Variants in DNPEP observed in about 807,000 individuals in gnomAD.
The protein encoded by DNPEP is aspartyl aminopeptidase.
A neutral mutation model predicts 59.1 loss-of-function variants in DNPEP; 46 were observed. That is an observed-to-expected ratio of 0.78 (90% CI 0.61 to 0.99). The LOEUF is 0.99. Ranked by LOEUF, DNPEP falls within the 50% of genes least tolerant of loss-of-function variation. DNPEP has a pLI of 0.00. For missense variants in DNPEP, 617 were observed against 649.9 expected (o/e 0.95, Z 0.55); for synonymous variants, 229 against 242.2 (o/e 0.95, Z 0.50).
Position 219,379,512 on chromosome 2 carries a change from C to T in DNPEP, c.1239+1823G>A, listed in dbSNP as rs1953501555. ...GAAAAATTTTAAAAATAGAAAAAAG[C>T]TTACAGAATAAGGATACAAAAAAGA... On this transcript the variant is annotated intron_variant, in intron 13 of 14. Transcript: ENST00000273075. Among the ~76,000 whole-genome samples the T allele has an allele frequency of 2.6e-5, 4 of 152,150 alleles. No individual in the cohort carries two copies. In the South Asian group the frequency reaches 8.3e-4, roughly 32 times the overall value.
chr2:219,393,068 G>A (rs1050179245), upstream of DNPEP, among the ~76,000 whole-genome samples: 2 of 152,154 alleles, frequency 1.3e-5, no homozygotes, highest in Admixed American at 6.5e-5. Flanking sequence ...AGTGGTGTCC[G>A]GTCTTTTGGC....
chr2:219,384,417 G>T lies in DNPEP; in HGVS notation c.801C>A (p.Phe267Leu). The T allele has an allele frequency of 1.2e-6, 2 of 1,611,878 alleles. No homozygotes were observed. Among genetic ancestry groups the T allele is most frequent in the South Asian group, 2.2e-5 (2 of 90,530 alleles). The change falls in exon 9 of 15, where the codon TTC (phenylalanine) becomes TTA (leucine). Residue 267 changes from phenylalanine to leucine, a missense_variant. By Grantham distance (22) the Phe-to-Leu change is conservative. Transcript: ENST00000273075. ...PAVLGGAYDEFIFAPRLDNLH... is the reference protein window; with the variant it reads ...PAVLGGAYDELIFAPRLDNLH... ...GATTGTCCAGCCGAGGAGCAAAGAT[G>T]AACTCATCATAGGCACCACCCAAGA... is the stretch of plus-strand genomic sequence containing the variant.
At chr2:219,385,239 G>A (rs975214137) in intron 8 of DNPEP, 185 bp downstream of exon 8, 2 of 571,762 alleles carry the variant, frequency 3.5e-6, no homozygotes, top group South Asian at 2.3e-5. Flanking sequence ...GCAGGTCTGG[G>A]GTAGGGAACT....
chr2:219,395,189 C>T (rs988501162), intron 1 of DNPEP, among the ~76,000 whole-genome samples: 1 of 152,186 alleles, frequency 6.6e-6, no homozygotes, highest in Non-Finnish European at 1.5e-5. Context: ...CTCAAGCAAT[C>T]TGCCCTCCTC....
At chr2:219,384,162 T>C (rs1426451560) in intron 9 of DNPEP, among the ~76,000 whole-genome samples, 2 of 152,248 alleles carry the variant, frequency 1.3e-5, no homozygotes, top group East Asian at 1.9e-4. Flanking sequence ...AACACCCTGA[T>C]AGTGCAAGGG....
At chr2:219,385,563 A>C (rs765787221) in intron 7 of DNPEP, 32 bp from the exon 8 acceptor site, 1 of 1,608,630 alleles carries the variant, frequency 6.2e-7, no homozygotes. Flanking sequence ...GGAAGAGTCC[A>C]TTCCTCCTCT....
In DNPEP at chr2:219,372,327, G is replaced by A. The variant is rs1389769641; in HGVS notation, c.*1965C>T. The stretch of plus-strand genomic sequence containing the variant: ...ATTTTTCCAGGCTTTTTCTATACAT[G>A]TATACATCTACGTGCATATTTATAT... On this transcript the variant is annotated 3_prime_UTR_variant, in exon 15 of 15. Transcript: ENST00000273075. Among the ~76,000 whole-genome samples the A allele has an allele frequency of 2.0e-5, 3 of 152,018 alleles. No homozygotes were observed. The highest frequency in any genetic ancestry group is 2.9e-5 in the Non-Finnish European group (2 of 68,016).
In DNPEP at chr2:219,372,201, A is replaced by G. The variant is rs1175194226; in HGVS notation, c.*2091T>C. The stretch of plus-strand genomic sequence containing the variant: ...GAGGGTAAAATTTTTTACATAAGTA[A>G]TACATGGTACATTCTGTTATACAAA... On this transcript the variant is annotated 3_prime_UTR_variant, in exon 15 of 15. Coordinates refer to ENST00000273075, the MANE Select transcript of DNPEP (RefSeq NM_012100.4). 2.0e-5 allele frequency among the ~76,000 whole-genome samples: 3 copies of G among 152,182 alleles called. 1 individual carries two copies. The highest frequency in any genetic ancestry group is 6.6e-5 in the Admixed American group (1 of 15,264).
intron 1 of DNPEP, among the ~76,000 whole-genome samples, chr2:219,394,530 G>A (rs546089482): frequency 2.3e-4 from 35 of 152,088 alleles, no homozygotes; most frequent in African/African-American, 8.2e-4. Context: ...CTTACCTGGG[G>A]CTCCCAAACT....
intron 1 of DNPEP, among the ~76,000 whole-genome samples, chr2:219,398,462 C>T (rs537644281): frequency 6.6e-6 from 1 of 152,284 alleles, no homozygotes; most frequent in South Asian, 2.1e-4. Flanking sequence ...CCAGTCTGGC[C>T]AACATGGTGA....
intron 6 of DNPEP, 78 bp from the exon 7 acceptor site, chr2:219,385,784 C>A: frequency 7.0e-7 from 1 of 1,432,332 alleles, no homozygotes; most frequent in Non-Finnish European, 9.5e-7. Flanking sequence ...CAGGTGCCTC[C>A]TGATGGGCAA....
In DNPEP at chr2:219,374,243, T is replaced by G; in HGVS notation, c.*49A>C. 6.5e-7 allele frequency: 1 copy of G among 1,527,758 alleles called. No homozygotes were observed. The highest frequency in any genetic ancestry group is 9.1e-7 in the Non-Finnish European group (1 of 1,101,786). The allele number at this position is 1,527,758 out of a possible 1,614,324, so 94.6% of individuals were successfully genotyped here. ...ATCCAGCTTCAGCTCAGCTGAGAAC[T>G]TCCCCTCTCAGGTGCAAAGGGATGG... On this transcript the variant is annotated 3_prime_UTR_variant, in exon 15 of 15. Coordinates refer to ENST00000273075, the MANE Select transcript of DNPEP (RefSeq NM_012100.4).
At chr2:219,388,934 C>G (rs1386834615), upstream of DNPEP, 1 of 942,922 alleles carries the variant, frequency 1.1e-6, no homozygotes, top group East Asian at 1.2e-4. Context: ...AGTGATCCGT[C>G]GAGGTAATAA....
upstream of DNPEP, chr2:219,388,387 C>T (rs1401200039): frequency 1.4e-5 from 2 of 142,204 alleles, no homozygotes; most frequent in Non-Finnish European, 3.1e-5. Flanking sequence ...CCCCGCTCCT[C>T]GCCAGGCTGC....
chr2:219,377,048 C>T (rs1009987486), intron 13 of DNPEP, among the ~76,000 whole-genome samples: 73 of 151,838 alleles, frequency 4.8e-4, no homozygotes, highest in African/African-American at 1.5e-3. Flanking sequence ...CTGAGGTGGG[C>T]GGACCACTTG....
chr2:219,386,165 C>A, intron 5 of DNPEP, 67 bp from the exon 6 acceptor site: 1 of 1,484,694 alleles, frequency 6.7e-7, no homozygotes, highest in South Asian at 1.2e-5. Context: ...TTACTTCACT[C>A]AGACTAAGCA....
rs1559328505 is a variant in DNPEP, at chr2:219,374,051, A to AAGAG, written c.*237_*240dup. 2.0e-6 allele frequency: 1 copy of AAGAG among 495,902 alleles called. No individual in the cohort carries two copies. The highest frequency in any genetic ancestry group is 1.9e-5 in the African/African-American group (1 of 52,380). The allele number at this position is 495,902 out of a possible 1,614,324, so 30.7% of individuals were successfully genotyped here. A position where few individuals can be genotyped will look rare whatever the true frequency, so the allele number is the denominator to read the frequency against. ...CTTCAGACATGGACTTGAGACAGAGAAGAGATTTAAAACCAGATTTAAAAC... is the reference window on the plus strand; with the variant it reads ...CTTCAGACATGGACTTGAGACAGAGAAGAGAGAGATTTAAAACCAGATTTAAAAC... On this transcript the variant is annotated 3_prime_UTR_variant, in exon 15 of 15. Coordinates refer to ENST00000273075, the MANE Select transcript of DNPEP (RefSeq NM_012100.4).
upstream of DNPEP, among the ~76,000 whole-genome samples, chr2:219,392,933 C>T (rs1450301979): frequency 6.6e-6 from 1 of 152,234 alleles, no homozygotes; most frequent in African/African-American, 2.4e-5. Context: ...CCTTCAAGTT[C>T]CTGCTCTAGA....
chr2:219,380,149 A>G (rs552355620), intron 13 of DNPEP, among the ~76,000 whole-genome samples: 30 of 150,196 alleles, frequency 2.0e-4, no homozygotes, highest in African/African-American at 7.1e-4. Context: ...ATACAGGTGG[A>G]CCATTTTAAA....
Sources: allele counts gnomAD v4.1 joint callset (sites outside exome capture counted in the v4.1 genomes callset), GRCh38; gene constraint gnomAD v4.1.1; transcripts MANE v1.5; gene names NCBI Gene and HGNC (gene_info 2026-07-23, HGNC 2026-07-21).